The following XRCC4 variants were observed in gnomAD, a reference collection of about 807,000 sequenced individuals.
XRCC4 encodes DNA repair protein XRCC4.
XRCC4 carries 28 observed loss-of-function variants against 39.1 expected under a neutral mutation model. The observed-to-expected ratio is 0.72, with a 90% CI of 0.53 to 0.98. XRCC4 has a LOEUF of 0.98. Ranked by LOEUF, XRCC4 falls within the 50% of genes least tolerant of loss-of-function variation. The pLI is 0.00. For synonymous variants in XRCC4, 123 were observed against 126.4 expected (o/e 0.97, Z 0.18); for missense variants, 350 against 376.4 (o/e 0.93, Z 0.58).
chr5:83,093,684 A>T (rs983186280), intron 1 of XRCC4, among the ~76,000 whole-genome samples: 5 of 152,228 alleles, frequency 3.3e-5, no homozygotes, highest in African/African-American at 1.2e-4. Context: ...AGTATACTGA[A>T]ATTAACAACA....
chr5:83,177,890 T>C (rs1248614681), intron 3 of XRCC4, among the ~76,000 whole-genome samples: 2 of 152,134 alleles, frequency 1.3e-5, no homozygotes, highest in East Asian at 3.9e-4. Context: ...AATATCACTC[T>C]GATAAATGTA....
At chr5:83,329,191 G>A (rs1188873195) in intron 7 of XRCC4, among the ~76,000 whole-genome samples, 1 of 151,990 alleles carries the variant, frequency 6.6e-6, no homozygotes, top group Non-Finnish European at 1.5e-5. Flanking sequence ...AACACTTTTG[G>A]AAGAAAACAC....
chr5:83,335,142 C>A (rs1014612369), intron 7 of XRCC4, among the ~76,000 whole-genome samples: 4 of 151,852 alleles, frequency 2.6e-5, no homozygotes, highest in Non-Finnish European at 5.9e-5. Context: ...GGCCTGTTAA[C>A]CCACCCTACC....
intron 3 of XRCC4, among the ~76,000 whole-genome samples, chr5:83,144,413 C>T (rs571242095): frequency 2.0e-5 from 3 of 151,928 alleles, no homozygotes; most frequent in African/African-American, 7.2e-5. Context: ...TCCTTACAAA[C>T]TTCACCTAAT....
At chr5:83,310,967 G>C in intron 7 of XRCC4, 1 of 400,436 alleles carries the variant, frequency 2.5e-6, no homozygotes, top group South Asian at 1.9e-5. Flanking sequence ...CCTCCGGAGG[G>C]AGTGTAGCCC....
downstream of XRCC4, among the ~76,000 whole-genome samples, chr5:83,354,189 T>C (rs1419670381): frequency 6.6e-6 from 1 of 152,232 alleles, no homozygotes; most frequent in Non-Finnish European, 1.5e-5. Context: ...AGTTGATTGA[T>C]TCTCCTCAGT....
intron 6 of XRCC4, among the ~76,000 whole-genome samples, chr5:83,250,317 C>T (rs1276075563): frequency 6.6e-6 from 1 of 152,132 alleles, no homozygotes; most frequent in Non-Finnish European, 1.5e-5. Flanking sequence ...TTAATGTTAA[C>T]TGGAACTGGC....
chr5:83,353,180 G>C lies in XRCC4; in HGVS notation c.943G>C (p.Glu315Gln), dbSNP rs780229187. 6.2e-7 allele frequency: 1 copy of C among 1,612,478 alleles called. No individual in the cohort carries two copies. Among genetic ancestry groups the C allele is most frequent in the African/African-American group, 1.3e-5 (1 of 74,906 alleles). ...GTCTAAAAAGGAGCACATCTCAGCT[G>C]AAAACATGTCTTTAGAAACTCTGAG... is the stretch of plus-strand genomic sequence containing the variant. ...ETSKKEHISA[E>Q]NMSLETLRNS... The change falls in exon 8 of 8, where the codon GAA (glutamate) becomes CAA (glutamine). Residue 315 changes from glutamate to glutamine, a missense_variant. Transcript: ENST00000396027.
At chr5:83,211,546 A>G (rs1305556191) in intron 6 of XRCC4, among the ~76,000 whole-genome samples, 1 of 152,214 alleles carries the variant, frequency 6.6e-6, no homozygotes, top group Admixed American at 6.5e-5. Flanking sequence ...GGCCTAACCT[A>G]GAGATAATAC....
chr5:83,115,991 C>T (rs559340499), intron 3 of XRCC4, among the ~76,000 whole-genome samples: 2 of 152,262 alleles, frequency 1.3e-5, no homozygotes, highest in South Asian at 4.1e-4. Context: ...ATCACAAGTT[C>T]ATTTGGCCAA....
chr5:83,151,684 A>G (rs971466486), intron 3 of XRCC4, among the ~76,000 whole-genome samples: 1 of 152,110 alleles, frequency 6.6e-6, no homozygotes, highest in Non-Finnish European at 1.5e-5. Flanking sequence ...CCATAACACA[A>G]TTTTTCCATT....
intron 3 of XRCC4, among the ~76,000 whole-genome samples, chr5:83,136,176 G>C (rs916125244): frequency 1.3e-5 from 2 of 152,150 alleles, no homozygotes; most frequent in Non-Finnish European, 2.9e-5. Context: ...TTTTATACAA[G>C]AGGGTATAGT....
At chr5:83,183,441 T>TGG (rs1322514408) in intron 3 of XRCC4, among the ~76,000 whole-genome samples, 14 of 151,490 alleles carry the variant, frequency 9.2e-5, no homozygotes, top group Non-Finnish European at 1.9e-4. Context: ...TGTGTGTGTG[T>TGG]GTGTGTGTGT....
chr5:83,182,242 C>G (rs949611661), intron 3 of XRCC4, among the ~76,000 whole-genome samples: 2 of 152,138 alleles, frequency 1.3e-5, no homozygotes, highest in African/African-American at 4.8e-5. Context: ...ATTTGAACTT[C>G]CATACGAAAC....
chr5:83,195,422 T>C (rs1056871323), intron 3 of XRCC4, among the ~76,000 whole-genome samples: 1 of 152,182 alleles, frequency 6.6e-6, no homozygotes. Flanking sequence ...TTATCATATA[T>C]AATTCCTTTT....
intron 6 of XRCC4, among the ~76,000 whole-genome samples, chr5:83,205,524 C>T (rs776018217): frequency 4.6e-5 from 7 of 152,030 alleles, no homozygotes; most frequent in African/African-American, 9.7e-5. Flanking sequence ...TTCCTAGTGA[C>T]GGTGGAAACA....
At chr5:83,288,645 C>T (rs1180298175) in intron 7 of XRCC4, among the ~76,000 whole-genome samples, 1 of 151,854 alleles carries the variant, frequency 6.6e-6, no homozygotes, top group African/African-American at 2.4e-5. Context: ...CTGATGTCCA[C>T]TGTAAATCAT....
At chr5:83,226,689 G>A (rs1580394536) in intron 6 of XRCC4, among the ~76,000 whole-genome samples, 2 of 152,198 alleles carry the variant, frequency 1.3e-5, no homozygotes, top group Non-Finnish European at 2.9e-5. Context: ...ATCTGTGCCC[G>A]AATTTATCTC....
At chr5:83,220,510 A>G (rs972595396) in intron 6 of XRCC4, among the ~76,000 whole-genome samples, 4 of 152,138 alleles carry the variant, frequency 2.6e-5, no homozygotes, top group Non-Finnish European at 5.9e-5. Flanking sequence ...CAGCACTAAC[A>G]TGATACTTGC....
Sources: gnomAD v4.1 joint callset for allele counts (sites outside exome capture counted in the v4.1 genomes callset) on GRCh38, gnomAD v4.1.1 for gene constraint, MANE v1.5 for transcripts, NCBI Gene and HGNC (gene_info 2026-07-23, HGNC 2026-07-21) for gene names.